FLVCR2: variants seen among roughly 807,000 people sequenced by gnomAD.
FLVCR2 encodes FLVCR choline and putative heme transporter 2.
In FLVCR2, 38 loss-of-function variants were observed where a neutral mutation model predicts 48.9. That is an observed-to-expected ratio of 0.78 (90% CI 0.60 to 1.02). The LOEUF (loss-of-function observed/expected upper bound fraction) is 1.02, where lower values mean the gene tolerates loss of function less well. FLVCR2 is among the 50% of genes least tolerant of loss of function. FLVCR2 has a pLI of 0.00. For synonymous variants in FLVCR2, 255 were observed against 257.0 expected (o/e 0.99, Z 0.07); for missense variants, 664 against 663.3 (o/e 1.00, Z -0.01).
intron 1 of FLVCR2, among the ~76,000 whole-genome samples, chr14:75,597,269 A>G (rs1161116194): frequency 6.9e-6 from 1 of 145,708 alleles, no homozygotes; most frequent in East Asian, 2.1e-4. Context: ...CTATAGAGCA[A>G]GACCCATCTC....
intron 1 of FLVCR2, among the ~76,000 whole-genome samples, chr14:75,597,300 GA>G: frequency 6.6e-6 from 1 of 151,486 alleles, no homozygotes; most frequent in Non-Finnish European, 1.5e-5. Flanking sequence ...AAAAGAAGAA[GA>G]AGAAGAAGAA....
At chr14:75,636,301 C>T (rs1454950372) in intron 5 of FLVCR2, among the ~76,000 whole-genome samples, 2 of 152,102 alleles carry the variant, frequency 1.3e-5, no homozygotes, top group Non-Finnish European at 2.9e-5. Flanking sequence ...CAATTGAGAC[C>T]ATCCCTAGGG....
chr14:75,629,386 G>A (rs1056678659), intron 3 of FLVCR2, among the ~76,000 whole-genome samples: 18 of 151,964 alleles, frequency 1.2e-4, no homozygotes, highest in Non-Finnish European at 2.2e-4. Flanking sequence ...TTGATGTTGC[G>A]GAAATATCAT....
At chr14:75,615,171 G>T (rs1031487639) in intron 1 of FLVCR2, among the ~76,000 whole-genome samples, 4 of 152,206 alleles carry the variant, frequency 2.6e-5, no homozygotes, top group African/African-American at 2.4e-5. Flanking sequence ...CATCATGCAG[G>T]TCGGGCAGAG....
Position 75,646,439 on chromosome 14 carries a change from AG to A in FLVCR2, c.1549del (p.Val517CysfsTer40). 1.2e-6 allele frequency: 2 copies of A among 1,614,056 alleles called. No homozygotes were observed. Among genetic ancestry groups the A allele is most frequent in the South Asian group, 2.2e-5 (2 of 91,078 alleles). On this transcript the variant is annotated frameshift_variant, in exon 10 of 10. Coordinates refer to ENST00000238667, the MANE Select transcript of FLVCR2 (RefSeq NM_017791.3). LOFTEE classifies it high-confidence loss of function. Reference protein sequence around the residue: ...EEEEESNTSKVPTAVSEDHL With the variant: ...EEEEESNTSKXPTAVSEDHL ...AGGAGGAGGAGAGCAACACCAGCAA[AG>A]TGCCCACTGCTGTGTCAGAGGATCA... is the stretch of plus-strand genomic sequence containing the variant.
intron 1 of FLVCR2, among the ~76,000 whole-genome samples, chr14:75,604,802 G>A (rs1362547995): frequency 6.6e-6 from 1 of 152,214 alleles, no homozygotes. Flanking sequence ...GTACATAGGG[G>A]AGGTTGGGCC....
At chr14:75,633,934 ATT>A (rs1180608864) in intron 4 of FLVCR2, among the ~76,000 whole-genome samples, 1 of 141,382 alleles carries the variant, frequency 7.1e-6, no homozygotes, top group African/African-American at 2.6e-5. Flanking sequence ...CTGAGCTCTC[ATT>A]TTTTTTTTTT....
chr14:75,588,249 A>G lies in FLVCR2; in HGVS notation c.669+8608A>G, dbSNP rs200592709. Among the ~76,000 whole-genome samples, 4 of 152,248 alleles carry G rather than the reference A, an allele frequency of 2.6e-5. No individual in the cohort carries two copies. In the East Asian group the frequency reaches 7.7e-4, roughly 29 times the overall value. On this transcript the variant is annotated intron_variant, in intron 1 of 9. Transcript: ENST00000238667. ...CTGGGCAGTCCAAGGCCAAGCGACC[A>G]GCATCTGGTGATGGCCTTCTTGCTG...
In FLVCR2 at chr14:75,578,705, C is replaced by A; in HGVS notation, c.-268C>A. ...CTCGTGGGGAGACCCAAGGCAGGAG[C>A]GGTCCGGAGCCGGCTGCGGCGTGTG... On this transcript the variant is annotated 5_prime_UTR_variant, in exon 1 of 10. Coordinates refer to ENST00000238667, the MANE Select transcript of FLVCR2 (RefSeq NM_017791.3). 1.8e-6 allele frequency: 1 copy of A among 560,912 alleles called. No homozygotes were observed. The highest frequency in any genetic ancestry group is 3.2e-6 in the Non-Finnish European group (1 of 314,228). 34.7% of individuals were successfully genotyped at this position (560,912 alleles called of 1,614,324 possible). A position where few individuals can be genotyped will look rare whatever the true frequency, so the allele number is the denominator to read the frequency against.
intron 3 of FLVCR2, among the ~76,000 whole-genome samples, chr14:75,625,495 G>A (rs754597549): frequency 1.1e-4 from 16 of 151,962 alleles, no homozygotes; most frequent in Non-Finnish European, 1.8e-4. Context: ...CCACTAAAGA[G>A]TGTCCTCCAG....
chr14:75,578,940 C>T lies in FLVCR2; in HGVS notation c.-33C>T. On this transcript the variant is annotated 5_prime_UTR_variant, in exon 1 of 10. Coordinates refer to ENST00000238667, the MANE Select transcript of FLVCR2 (RefSeq NM_017791.3). ...CCCTTAAGACTGCCGGAGTCCTCAC[C>T]ACTTCTCCAGGATTCCAGAGGAGAC... is the stretch of plus-strand genomic sequence containing the variant. 6.2e-7 allele frequency: 1 copy of T among 1,609,164 alleles called. No homozygotes were observed. Among genetic ancestry groups the T allele is most frequent in the Non-Finnish European group, 8.5e-7 (1 of 1,175,512 alleles).
chr14:75,632,239 AT>A (rs35264524), intron 3 of FLVCR2, among the ~76,000 whole-genome samples: 3 of 152,156 alleles, frequency 2.0e-5, no homozygotes, highest in Non-Finnish European at 4.4e-5. Flanking sequence ...ATTATTTCCC[AT>A]TTTGCAAGAT....
chr14:75,633,779 A>G (rs1258135115), intron 4 of FLVCR2, 83 bp downstream of exon 4: 1 of 1,044,982 alleles, frequency 9.6e-7, no homozygotes. Context: ...ATGACCGTTA[A>G]GTCTTCATTC....
chr14:75,622,976 T>A (rs1056133936), intron 2 of FLVCR2, among the ~76,000 whole-genome samples: 1 of 152,100 alleles, frequency 6.6e-6, no homozygotes, highest in Non-Finnish European at 1.5e-5. Flanking sequence ...TTTATTTATT[T>A]ATTTATTTAT....
intron 1 of FLVCR2, among the ~76,000 whole-genome samples, chr14:75,585,923 G>A (rs982751362): frequency 5.3e-5 from 8 of 152,200 alleles, no homozygotes; most frequent in African/African-American, 1.9e-4. Flanking sequence ...TGAAAAGACC[G>A]CTTACCCGAT....
At chr14:75,587,282 C>T (rs1163897212) in intron 1 of FLVCR2, among the ~76,000 whole-genome samples, 1 of 151,962 alleles carries the variant, frequency 6.6e-6, no homozygotes, top group African/African-American at 2.4e-5. Context: ...TTCAAAGCCA[C>T]TCTCAGTAGG....
intron 1 of FLVCR2, among the ~76,000 whole-genome samples, chr14:75,606,393 C>G (rs1404810737): frequency 2.0e-5 from 3 of 152,296 alleles, no homozygotes; most frequent in African/African-American, 7.2e-5. Flanking sequence ...GCCTTTTGAG[C>G]AATCTAGGCC....
chr14:75,621,419 GAAAAAGAAAAAAAAA>G (rs1385617722), intron 1 of FLVCR2, among the ~76,000 whole-genome samples: 28 of 149,728 alleles, frequency 1.9e-4, no homozygotes, highest in Admixed American at 4.7e-4. Context: ...AAAAAAAAAA[GAAAAAGAAAAAAAAA>G]AGAAATGGTT....
chr14:75,647,253 C>CT lies in FLVCR2; in HGVS notation c.*787dup, dbSNP rs1434383750. On this transcript the variant is annotated 3_prime_UTR_variant, in exon 10 of 10. Transcript: ENST00000238667. ...AGCTTGAGTTGGGAATGGGAAGGTT[C>CT]TTTTTTACAGAAGTACTTCCCCAGG... 6.6e-6 allele frequency: 1 copy of CT among 152,224 alleles called. No homozygotes were observed. The highest frequency in any genetic ancestry group is 2.4e-5 in the African/African-American group (1 of 41,412). 9.4% of individuals were successfully genotyped at this position (152,224 alleles called of 1,614,324 possible). A position where few individuals can be genotyped will look rare whatever the true frequency, so the allele number is the denominator to read the frequency against.
Sources: allele counts gnomAD v4.1 joint callset (sites outside exome capture counted in the v4.1 genomes callset), GRCh38; gene constraint gnomAD v4.1.1; transcripts MANE v1.5; gene names NCBI Gene and HGNC (gene_info 2026-07-23, HGNC 2026-07-21).